NLRP2: variants seen among roughly 807,000 people sequenced by gnomAD.
NLRP2 encodes NACHT, LRR and PYD domains-containing protein 2.
Under a neutral mutation model 97.2 loss-of-function variants are expected in NLRP2, and 107 were observed. That is an observed-to-expected ratio of 1.10 (90% CI 0.94 to 1.29). The LOEUF is 1.29. NLRP2 is among the 50% of genes most tolerant of loss of function. The pLI is 0.00. For synonymous variants in NLRP2, 663 were observed against 551.5 expected (o/e 1.20, Z -2.83); for missense variants, 1,495 against 1,330.3 (o/e 1.12, Z -1.93).
At chr19:54,973,930 T>C in intron 2 of NLRP2, 2 of 790,378 alleles carry the variant, frequency 2.5e-6, no homozygotes, top group South Asian at 1.3e-5. Context: ...AGTAGTGTTA[T>C]GACAGGAAGC....
chr19:54,983,070 C>G lies in NLRP2; in HGVS notation c.1372C>G (p.Leu458Val). 1.2e-6 allele frequency: 2 copies of G among 1,612,616 alleles called. No individual in the cohort carries two copies. Among genetic ancestry groups the G allele is most frequent in the Non-Finnish European group, 1.7e-6 (2 of 1,179,742 alleles). Residue 458 changes from leucine (L) to valine (V), a missense_variant, in exon 6 of 13, where the codon CTG becomes GTG. Transcript: ENST00000448584. ...RTLSLLAAQG[L>V]WAQTSVLHRE... ...GCTGAGCCTCCTGGCCGCGCAGGGC[C>G]TGTGGGCGCAGACGTCCGTGCTTCA...
rs773806398 is a variant in NLRP2, at chr19:55,000,743, C to T, written c.3051-17C>T. Reference sequence around the variant, plus strand: ...TTGATGCACAAAGTAACCTTTTCTTCCCCCATTGTACCCCAGGTTGAAAAT... The same window carrying T: ...TTGATGCACAAAGTAACCTTTTCTTTCCCCATTGTACCCCAGGTTGAAAAT... On this transcript the variant is annotated splice_polypyrimidine_tract_variant and intron_variant, in intron 12 of 12. Coordinates refer to ENST00000448584, the MANE Select transcript of NLRP2 (RefSeq NM_017852.5). The T allele has an allele frequency of 1.4e-5, 22 of 1,612,716 alleles. No individual in the cohort carries two copies. Among genetic ancestry groups the T allele is most frequent in the African/African-American group, 2.7e-5 (2 of 74,834 alleles).
chr19:54,998,621 T>TTTCC, intron 12 of NLRP2, among the ~76,000 whole-genome samples: 1 of 130,858 alleles, frequency 7.6e-6, no homozygotes, highest in Non-Finnish European at 1.6e-5. Context: ...CTTTTTTTTT[T>TTTCC]TTTTTTTTCC....
chr19:54,990,766 C>A, intron 10 of NLRP2, 94 bp downstream of exon 10: 1 of 1,299,444 alleles, frequency 7.7e-7, no homozygotes, highest in Non-Finnish European at 1.1e-6. Context: ...ACACTTAATT[C>A]CTCTAAAAGT....
intron 2 of NLRP2, 188 bp from the exon 3 acceptor site, chr19:54,974,312 C>G (rs763478381): frequency 1.6e-6 from 1 of 634,672 alleles, no homozygotes; most frequent in Non-Finnish European, 2.8e-6. Context: ...CAAGATTGTG[C>G]CACTCCAGCC....
At chr19:54,981,303 A>G (rs1166457661) in intron 4 of NLRP2, among the ~76,000 whole-genome samples, 2 of 151,878 alleles carry the variant, frequency 1.3e-5, no homozygotes, top group Non-Finnish European at 2.9e-5. Context: ...CAAGTAGCTG[A>G]GATTACAGGC....
chr19:54,993,466 T>G (rs1420101399), intron 10 of NLRP2: 1 of 152,516 alleles, frequency 6.6e-6, no homozygotes, highest in Non-Finnish European at 1.5e-5. Flanking sequence ...GTGAAATATC[T>G]CTGATAATCT....
chr19:54,996,241 C>G (rs2072816036), intron 11 of NLRP2, among the ~76,000 whole-genome samples: 1 of 151,924 alleles, frequency 6.6e-6, no homozygotes, highest in South Asian at 2.1e-4. Flanking sequence ...TGGCTCATGC[C>G]TGTAATTCCA....
rs1463359182 is a variant in NLRP2, at chr19:54,984,320, T to G, written c.2030+592T>G. On this transcript the variant is annotated intron_variant, in intron 6 of 12. Coordinates refer to ENST00000448584, the MANE Select transcript of NLRP2 (RefSeq NM_017852.5). ...TGTCCAGCTAACTTAAGTGGGGGTT[T>G]TTTTTTGTGTTTTTTTTTTTTTTTT... Among the ~76,000 whole-genome samples the G allele has an allele frequency of 6.8e-5, 7 of 102,260 alleles. No individual in the cohort carries two copies. The East Asian group carries it at 1.1e-3, about 16-fold the overall frequency. The allele number at this position is 102,260 out of a possible 152,430, so 67.1% of individuals were successfully genotyped here.
chr19:54,979,381 C>T (rs560490321), intron 4 of NLRP2, among the ~76,000 whole-genome samples: 189 of 152,150 alleles, frequency 1.2e-3, no homozygotes, highest in African/African-American at 4.1e-3. Flanking sequence ...TTGCCCTTGT[C>T]GCCCAGGCTA....
chr19:54,977,726 C>A, intron 3 of NLRP2, 26 bp from the exon 4 acceptor site: 10 of 1,612,124 alleles, frequency 6.2e-6, no homozygotes, highest in Non-Finnish European at 8.5e-6. Flanking sequence ...CAGCAACAGG[C>A]CTGTAATGCC....
Position 54,977,733 on chromosome 19 carries a change from TGCC to T in NLRP2, c.326-15_326-13del, listed in dbSNP as rs749976288. The T allele has an allele frequency of 1.9e-6, 3 of 1,613,576 alleles. No individual in the cohort carries two copies. In the South Asian group the frequency reaches 3.3e-5, roughly 18 times the overall value. On this transcript the variant is annotated splice_polypyrimidine_tract_variant and intron_variant, in intron 3 of 12. Transcript: ENST00000448584. Reference sequence around the variant, plus strand: ...TGCCAGCACAGCAACAGGCCTGTAATGCCGCCCTTTTTCTCCAGGGATAACACG... The same window carrying T: ...TGCCAGCACAGCAACAGGCCTGTAATGCCCTTTTTCTCCAGGGATAACACG...
intron 11 of NLRP2, among the ~76,000 whole-genome samples, chr19:54,996,863 C>T (rs1270818745): frequency 2.0e-5 from 3 of 152,024 alleles, no homozygotes; most frequent in African/African-American, 4.8e-5. Context: ...AACCCCTCAT[C>T]GCCTCCATAT....
intron 3 of NLRP2, among the ~76,000 whole-genome samples, chr19:54,976,687 T>C (rs2071248846): frequency 6.6e-6 from 1 of 151,962 alleles, no homozygotes; most frequent in Non-Finnish European, 1.5e-5. Context: ...GCCTTTGTCC[T>C]GAATTTCACA....
intron 4 of NLRP2, 108 bp from the exon 5 acceptor site, chr19:54,981,509 G>GCCCCCC: frequency 1.6e-5 from 6 of 386,504 alleles, no homozygotes; most frequent in Admixed American, 5.6e-5. Context: ...CTGATCCCGT[G>GCCCCCC]CCCCCCCTCC....
In NLRP2 at chr19:54,983,331, C is replaced by T. The variant is rs1409217636; in HGVS notation, c.1633C>T (p.Leu545Phe). Residue 545 changes from leucine (L) to phenylalanine (F), a missense_variant, in exon 6 of 13, where the codon CTC becomes TTC. Physicochemically the swap from Leu to Phe is conservative, Grantham distance 22 (BLOSUM62 0). Transcript: ENST00000448584. ...VQKLLSGVER[L>F]RNPDLIQAGY... ...GAAGCTGCTTTCCGGAGTAGAAAGA[C>T]TCAGGAACCCCGACCTGATCCAAGC... The T allele has an allele frequency of 6.2e-7, 1 of 1,614,226 alleles. No homozygotes were observed. Among genetic ancestry groups the T allele is most frequent in the Non-Finnish European group, 8.5e-7 (1 of 1,180,032 alleles).
chr19:54,977,759 A>G lies in NLRP2; in HGVS notation c.333A>G (p.Thr111=), dbSNP rs374536200. 1 of 1,613,798 alleles carries G rather than the reference A, an allele frequency of 6.2e-7. No individual in the cohort carries two copies. The highest frequency in any genetic ancestry group is 1.1e-5 in the South Asian group (1 of 91,084). ...GCCGCCCTTTTTCTCCAGGGATAAC[A>G]CGGAAAGAACGACCACCTCTAGACG... ...NKRKPLSLGI[T]RKERPPLDVD... Residue 111 remains threonine (T), a synonymous_variant, in exon 4 of 13, where the codon ACA becomes ACG. Transcript: ENST00000448584.
At chr19:54,978,609 G>A (rs2071390271) in intron 4 of NLRP2, among the ~76,000 whole-genome samples, 1 of 151,976 alleles carries the variant, frequency 6.6e-6, no homozygotes, top group Non-Finnish European at 1.5e-5. Context: ...TAATCTCCCA[G>A]CACTTTGGGA....
chr19:54,984,329 G>GGTTTTTTTTT (rs1329961462), intron 6 of NLRP2, among the ~76,000 whole-genome samples: 15 of 79,670 alleles, frequency 1.9e-4, no homozygotes, highest in African/African-American at 5.1e-4. Context: ...TTTTTTTTGT[G>GGTTTTTTTTT]TTTTTTTTTT....
Sources: gnomAD v4.1 joint callset for allele counts (sites outside exome capture counted in the v4.1 genomes callset) on GRCh38, gnomAD v4.1.1 for gene constraint, MANE v1.5 for transcripts, NCBI Gene and HGNC (gene_info 2026-07-23, HGNC 2026-07-21) for gene names.